The following ZFHX3 variants were observed in gnomAD, a reference collection of about 807,000 sequenced individuals.
ZFHX3 encodes the protein zinc finger homeobox protein 3.
ZFHX3 carries 42 observed loss-of-function variants against 279.1 expected under a neutral mutation model. That is an observed-to-expected ratio of 0.15 (90% CI 0.12 to 0.19). The LOEUF (loss-of-function observed/expected upper bound fraction) is 0.19, where lower values mean the gene tolerates loss of function less well. Ranked by LOEUF, ZFHX3 falls within the 10% of genes least tolerant of loss-of-function variation. ZFHX3 has a pLI of 1.00. For synonymous variants in ZFHX3, 2,293 were observed against 1,957.8 expected, an observed-to-expected ratio of 1.17 and a Z score of -4.52; for missense variants, 4,981 against 4,754.0, an observed-to-expected ratio of 1.05 and a Z score of -1.40.
At chr16:73,619,500 T>TTATATATATATATATATATATATATA (rs1555528593) in intron 2 of ZFHX3, among the ~76,000 whole-genome samples, 5 of 131,738 alleles carry the variant, frequency 3.8e-5, no homozygotes, top group African/African-American at 1.5e-4. Flanking sequence ...AAAAAAAAAA[T>TTATATATATATATATATATATATATA]TATATATATA....
At chr16:73,480,867 C>G (rs1484397341) in intron 2 of ZFHX3, among the ~76,000 whole-genome samples, 4 of 152,150 alleles carry the variant, frequency 2.6e-5, no homozygotes, top group African/African-American at 9.7e-5. Context: ...ACCAGTTCAT[C>G]CTGCCCTCAG....
intron 5 of ZFHX3, among the ~76,000 whole-genome samples, chr16:73,217,607 C>CT (rs1355893450): frequency 6.6e-6 from 1 of 152,142 alleles, no homozygotes; most frequent in East Asian, 1.9e-4. Context: ...ATGTTGGTTA[C>CT]TTTTCAAAGG....
chr16:72,887,326 T>C (rs898110057), intron 4 of ZFHX3, among the ~76,000 whole-genome samples: 2 of 152,126 alleles, frequency 1.3e-5, no homozygotes, highest in Non-Finnish European at 1.5e-5. Flanking sequence ...CGCCATGAAT[T>C]AATCATAGGT....
At chr16:73,439,718 G>C (rs1243208973) in intron 3 of ZFHX3, among the ~76,000 whole-genome samples, 3 of 151,858 alleles carry the variant, frequency 2.0e-5, no homozygotes, top group African/African-American at 7.3e-5. Context: ...ATGTTTTGCT[G>C]ATCTGCTTTG....
chr16:73,633,341 A>G (rs1413698258), intron 2 of ZFHX3, among the ~76,000 whole-genome samples: 2 of 152,220 alleles, frequency 1.3e-5, no homozygotes, highest in Non-Finnish European at 2.9e-5. Context: ...ACAAGTCACC[A>G]TAGAAATTCT....
intron 4 of ZFHX3, among the ~76,000 whole-genome samples, chr16:73,313,402 G>T (rs1245491571): frequency 6.6e-6 from 1 of 152,144 alleles, no homozygotes; most frequent in Non-Finnish European, 1.5e-5. Flanking sequence ...CACAACCACA[G>T]CTGTAAACGC....
intron 3 of ZFHX3, among the ~76,000 whole-genome samples, chr16:73,365,416 G>T (rs931249785): frequency 6.6e-6 from 1 of 152,212 alleles, no homozygotes; most frequent in Non-Finnish European, 1.5e-5. Context: ...CATTGCTGGG[G>T]CTTGAAAGCT....
intron 1 of ZFHX3, among the ~76,000 whole-genome samples, chr16:73,702,756 C>G (rs2053262231): frequency 1.3e-5 from 2 of 151,976 alleles, no homozygotes; most frequent in African/African-American, 4.8e-5. Flanking sequence ...TTTTCTAATA[C>G]CTATACAAAA....
At chr16:73,843,563 A>G (rs546323462) in intron 1 of ZFHX3, among the ~76,000 whole-genome samples, 1 of 152,352 alleles carries the variant, frequency 6.6e-6, no homozygotes, top group Non-Finnish European at 1.5e-5. Context: ...ATATTCCATC[A>G]AATATGTTAA....
At chr16:73,077,391 TA>T (rs1965896793) in intron 8 of ZFHX3, among the ~76,000 whole-genome samples, 1 of 152,086 alleles carries the variant, frequency 6.6e-6, no homozygotes, top group East Asian at 1.9e-4. Context: ...AGTTCCAGAT[TA>T]GGACACTGCG....
chr16:72,794,531 T>C lies in ZFHX3; in HGVS notation c.8151A>G (p.Arg2717=). 10 of 1,614,160 alleles carry C rather than the reference T, an allele frequency of 6.2e-6. No homozygotes were observed. Among genetic ancestry groups the C allele is most frequent in the Non-Finnish European group, 8.5e-6 (10 of 1,180,036 alleles). ...AQAHRRCPFC[R]ALFKAKTALE... Reference sequence around the variant, plus strand: ...GAGCAGTCTTGGCTTTGAAGAGCGCTCTGCAAAAAGGGCATCTCCTGTGGG... The same window carrying C: ...GAGCAGTCTTGGCTTTGAAGAGCGCCCTGCAAAAAGGGCATCTCCTGTGGG... Residue 2717 remains arginine, a synonymous_variant, in exon 9 of 10, where the codon AGA becomes AGG. Transcript: ENST00000268489. This position sits in a 1 kb window ranked among gnomAD's most constrained non-coding sequence, Gnocchi z 4.2.
intron 4 of ZFHX3, among the ~76,000 whole-genome samples, chr16:72,852,237 C>T (rs1168002776): frequency 6.6e-6 from 1 of 152,150 alleles, no homozygotes; most frequent in Non-Finnish European, 1.5e-5. Context: ...AATCTGAACT[C>T]CTAAAATAAC....
chr16:73,535,324 G>A (rs1051033671), intron 2 of ZFHX3, among the ~76,000 whole-genome samples: 6 of 152,172 alleles, frequency 3.9e-5, no homozygotes, highest in Non-Finnish European at 8.8e-5. Context: ...TTTAATAAAT[G>A]TTGTGTTTAA....
At chr16:73,773,820 A>T (rs1313685365) in intron 1 of ZFHX3, among the ~76,000 whole-genome samples, 1 of 152,164 alleles carries the variant, frequency 6.6e-6, no homozygotes, top group Non-Finnish European at 1.5e-5. Flanking sequence ...GGACTCCAAC[A>T]TTCCCTGGTA....
In ZFHX3 at chr16:73,003,684, C is replaced by T. The variant is rs931738801; in HGVS notation, c.-49-43490G>A. On this transcript the variant is annotated intron_variant, in intron 1 of 9. Coordinates refer to ENST00000268489, the MANE Select transcript of ZFHX3 (RefSeq NM_006885.4). ...CTGCACTACTGCACTCCAGCCTGGA[C>T]GAAACAGCGAGACTCCATCTCAAAA... Among the ~76,000 whole-genome samples, 23 of 151,890 alleles carry T rather than the reference C, an allele frequency of 1.5e-4. No homozygotes were observed. In the East Asian group the frequency reaches 2.1e-3, roughly 14 times the overall value.
At chr16:73,227,551 A>C (rs2012634119) in intron 5 of ZFHX3, among the ~76,000 whole-genome samples, 1 of 152,146 alleles carries the variant, frequency 6.6e-6, no homozygotes, top group Admixed American at 6.5e-5. Context: ...CTTATAAGGC[A>C]AAAACATCCA....
intron 1 of ZFHX3, among the ~76,000 whole-genome samples, chr16:73,784,796 A>AAAAAAT (rs56734827): frequency 0.012 from 1,553 of 130,816 alleles, 17 homozygotes; most frequent in East Asian, 0.054. Context: ...TAAAAAAAAA[A>AAAAAAT]ATATATATAT....
intron 3 of ZFHX3, among the ~76,000 whole-genome samples, chr16:73,450,179 A>C (rs1175990638): frequency 1.3e-5 from 2 of 152,140 alleles, no homozygotes; most frequent in African/African-American, 4.8e-5. Flanking sequence ...GGTACCTTAA[A>C]TCCACTCCTA....
chr16:73,399,744 T>C (rs1002100180), intron 3 of ZFHX3, among the ~76,000 whole-genome samples: 8 of 151,932 alleles, frequency 5.3e-5, no homozygotes, highest in Admixed American at 6.6e-5. Flanking sequence ...TCACCCTAAT[T>C]ATGATTTTCA....
Sources: gnomAD v4.1 joint callset for allele counts (sites outside exome capture counted in the v4.1 genomes callset) on GRCh38, gnomAD v4.1.1 for gene constraint, Gnocchi (gnomAD v3.1) non-coding constraint, MANE v1.5 for transcripts, NCBI Gene and HGNC (gene_info 2026-07-23, HGNC 2026-07-21) for gene names.